SPINT2: variants seen among roughly 807,000 people sequenced by gnomAD.
SPINT2 encodes serine peptidase inhibitor, Kunitz type 2, also known as kunitz-type protease inhibitor 2.
A neutral mutation model predicts 30.1 loss-of-function variants in SPINT2; 18 were observed. That is an observed-to-expected ratio of 0.60 (90% CI 0.41 to 0.89). SPINT2 has a LOEUF of 0.89. Ranked by LOEUF, SPINT2 falls within the 40% of genes least tolerant of loss-of-function variation. The pLI is 0.00. For missense variants in SPINT2, 276 were observed against 334.3 expected (o/e 0.83, Z 1.36); for synonymous variants, 139 against 137.9 (o/e 1.01, Z -0.05).
rs371011173 is a variant in SPINT2 at position 38,292,044 on chromosome 19, G to A, written c.*38G>A. 24 of 1,610,364 alleles carry A rather than the reference G, an allele frequency of 1.5e-5. No homozygotes were observed. The highest frequency in any genetic ancestry group is 2.0e-5 in the Non-Finnish European group (23 of 1,178,544). On this transcript the variant is annotated 3_prime_UTR_variant, in exon 7 of 7. Coordinates refer to ENST00000301244, the MANE Select transcript of SPINT2 (RefSeq NM_021102.4). Reference sequence around the variant, plus strand: ...CAAGAGGACTGGGGAAGGGAGGGGAGACTATGTGTGAGCTTTTTTTAAATA... The same window carrying A: ...CAAGAGGACTGGGGAAGGGAGGGGAAACTATGTGTGAGCTTTTTTTAAATA...
intron 1 of SPINT2, among the ~76,000 whole-genome samples, chr19:38,276,869 C>T (rs765017403): frequency 5.3e-5 from 8 of 151,828 alleles, no homozygotes; most frequent in Non-Finnish European, 7.4e-5. Flanking sequence ...GGCGTGATCT[C>T]GGCTCACTGC....
chr19:38,276,548 A>G (rs1274518769), intron 1 of SPINT2, among the ~76,000 whole-genome samples: 4 of 151,692 alleles, frequency 2.6e-5, no homozygotes, highest in African/African-American at 4.8e-5. Context: ...AGGCTGAGGC[A>G]GGGGAATGGC....
At chr19:38,275,436 C>T (rs1010678469) in intron 1 of SPINT2, among the ~76,000 whole-genome samples, 52 of 151,730 alleles carry the variant, frequency 3.4e-4, no homozygotes, top group African/African-American at 1.2e-3. Flanking sequence ...GTGATTGTCC[C>T]GCCTCAGCCT....
Position 38,292,204 on chromosome 19 carries a change from G to A in SPINT2, c.*198G>A, listed in dbSNP as rs1258592893. Reference sequence around the variant, plus strand: ...TAGGAGGCTCCTCCTCGCATGGCCTGCAGTCTGGCAGCAGCCCCGAGTTGT... The same window carrying A: ...TAGGAGGCTCCTCCTCGCATGGCCTACAGTCTGGCAGCAGCCCCGAGTTGT... On this transcript the variant is annotated 3_prime_UTR_variant, in exon 7 of 7. Coordinates refer to ENST00000301244, the MANE Select transcript of SPINT2 (RefSeq NM_021102.4). The A allele has an allele frequency of 1.2e-5, 8 of 642,778 alleles. No homozygotes were observed. Among genetic ancestry groups the A allele is most frequent in the Admixed American group, 5.7e-5 (2 of 35,308 alleles). 39.8% of individuals were successfully genotyped at this position (642,778 alleles called of 1,614,324 possible). A position where few individuals can be genotyped will look rare whatever the true frequency, so the allele number is the denominator to read the frequency against.
rs1968697277 is a variant in SPINT2 at position 38,290,092 on chromosome 19, G to A, written c.392-27G>A. On this transcript the variant is annotated intron_variant, in intron 4 of 6. Coordinates refer to ENST00000301244, the MANE Select transcript of SPINT2 (RefSeq NM_021102.4). This position sits in a 1 kb window ranked among gnomAD's most constrained non-coding sequence, Gnocchi z 4.3. ...CCCTCCTTGCGGGCCCTACTAATTT[G>A]TATTCCCTGGGCTGTCTTACTCCTA... is the stretch of plus-strand genomic sequence containing the variant. 1.2e-6 allele frequency: 2 copies of A among 1,612,074 alleles called. No individual in the cohort carries two copies. The highest frequency in any genetic ancestry group is 2.2e-5 in the South Asian group (2 of 91,000).
chr19:38,275,665 C>A (rs1008626119), intron 1 of SPINT2, among the ~76,000 whole-genome samples: 12 of 152,072 alleles, frequency 7.9e-5, no homozygotes, highest in Admixed American at 1.3e-4. Context: ...TCAAATGATC[C>A]TCCTGCCTCG....
chr19:38,286,545 C>T (rs889857727), intron 2 of SPINT2, among the ~76,000 whole-genome samples: 3 of 152,094 alleles, frequency 2.0e-5, no homozygotes, highest in Non-Finnish European at 4.4e-5. Flanking sequence ...CTTTGGGAGG[C>T]CGAGGTGGGC....
chr19:38,275,298 T>A (rs1968502810), intron 1 of SPINT2, among the ~76,000 whole-genome samples: 1 of 152,172 alleles, frequency 6.6e-6, no homozygotes, highest in Non-Finnish European at 1.5e-5. Context: ...GTTTTGTTAC[T>A]CTGTGCATTT....
chr19:38,281,978 G>A (rs765045681), intron 1 of SPINT2, among the ~76,000 whole-genome samples: 9 of 152,164 alleles, frequency 5.9e-5, no homozygotes, highest in East Asian at 1.9e-4. Context: ...ACCCTCTAAC[G>A]GGTGACTTTT....
chr19:38,288,597 C>T (rs901624144), intron 3 of SPINT2: 11 of 196,420 alleles, frequency 5.6e-5, no homozygotes, highest in Admixed American at 2.1e-4. Flanking sequence ...TGCACCGCAC[C>T]CCTGCTGGAG....
chr19:38,280,653 C>T (rs1046042655), intron 1 of SPINT2, among the ~76,000 whole-genome samples: 2 of 152,120 alleles, frequency 1.3e-5, no homozygotes, highest in Non-Finnish European at 2.9e-5. Context: ...TTCTCCTACA[C>T]ACCCTCAGGC....
In SPINT2 at chr19:38,292,089, G is replaced by A. The variant is rs1968729025; in HGVS notation, c.*83G>A. 1 of 1,547,538 alleles carries A rather than the reference G, an allele frequency of 6.5e-7. No homozygotes were observed. The highest frequency in any genetic ancestry group is 1.4e-5 in the African/African-American group (1 of 73,540). ...TAAATAGAGGGATTGACTCGGATTT[G>A]AGTGATCATTAGGGCTGAGGTCTGT... On this transcript the variant is annotated 3_prime_UTR_variant, in exon 7 of 7. Transcript: ENST00000301244.
At chr19:38,281,957 C>CT (rs1568341726) in intron 1 of SPINT2, among the ~76,000 whole-genome samples, 1 of 152,284 alleles carries the variant, frequency 6.6e-6, no homozygotes, top group East Asian at 1.9e-4. Flanking sequence ...TATGAAGTGT[C>CT]TAGATAAGGT....
Position 38,266,281 on chromosome 19 carries a change from A to C in SPINT2, c.106+1283A>C, listed in dbSNP as rs568063720. On this transcript the variant is annotated intron_variant, in intron 1 of 6. Transcript: ENST00000301244. ...CCAGATGGCCTAGGGCTTTATAGAC[A>C]GGTGCTGGTGCTTGAACCCGGGAGG... Among the ~76,000 whole-genome samples the C allele has an allele frequency of 8.5e-5, 13 of 152,090 alleles. No individual in the cohort carries two copies. In the East Asian group the frequency reaches 1.5e-3, roughly 18 times the overall value.
chr19:38,271,734 G>T (rs991343468), intron 1 of SPINT2, among the ~76,000 whole-genome samples: 13 of 152,036 alleles, frequency 8.6e-5, no homozygotes, highest in African/African-American at 3.1e-4. Context: ...CAGGAGAATC[G>T]CTTGAACTCG....
Position 38,290,456 on chromosome 19 carries a change from G to A in SPINT2, c.554-81G>A, listed in dbSNP as rs939894015. On this transcript the variant is annotated intron_variant, in intron 5 of 6. Coordinates refer to ENST00000301244, the MANE Select transcript of SPINT2 (RefSeq NM_021102.4). This position sits in a 1 kb window ranked among gnomAD's most constrained non-coding sequence, Gnocchi z 4.3. ...CCCTCAGAAAGAGCTCCCCATGGAG[G>A]CCCTGGCTGAGGGGATCCCCTGCGG... The A allele has an allele frequency of 6.2e-7, 1 of 1,610,424 alleles. No homozygotes were observed. Among genetic ancestry groups the A allele is most frequent in the African/African-American group, 1.3e-5 (1 of 74,886 alleles).
At chr19:38,282,294 G>A (rs745539754) in intron 1 of SPINT2, among the ~76,000 whole-genome samples, 8 of 152,210 alleles carry the variant, frequency 5.3e-5, no homozygotes, top group Non-Finnish European at 1.0e-4. Context: ...CTAAGCAAGC[G>A]TTTGGCTGTG....
chr19:38,269,829 T>TCGA (rs1555715270), intron 1 of SPINT2, among the ~76,000 whole-genome samples: 5 of 151,984 alleles, frequency 3.3e-5, no homozygotes, highest in African/African-American at 7.2e-5. Flanking sequence ...CAGGATGGTC[T>TCGA]TGATCTCCTG....
At chr19:38,288,483 C>T (rs768133668) in intron 3 of SPINT2, 5 of 217,558 alleles carry the variant, frequency 2.3e-5, no homozygotes, top group Non-Finnish European at 4.7e-5. Context: ...GACTCTGCAT[C>T]GGGCGCCTGG....
Sources: allele counts gnomAD v4.1 joint callset (sites outside exome capture counted in the v4.1 genomes callset), GRCh38; gene constraint gnomAD v4.1.1; non-coding constraint Gnocchi (gnomAD v3.1); transcripts MANE v1.5; gene names NCBI Gene and HGNC (gene_info 2026-07-23, HGNC 2026-07-21).